Variants in AGBL2 observed in about 807,000 individuals in gnomAD.
AGBL2 encodes the protein AGBL carboxypeptidase 2.
AGBL2 carries 87 observed loss-of-function variants against 103.0 expected under a neutral mutation model. The ratio of observed to expected loss-of-function variants is 0.84; its 90% CI spans 0.71 to 1.01. AGBL2 has a LOEUF of 1.01. Ranked by LOEUF, AGBL2 falls within the 50% of genes least tolerant of loss-of-function variation. The pLI, the probability that AGBL2 is intolerant of heterozygous loss-of-function variation, is 0.00. For missense variants in AGBL2, 904 were observed against 1,023.5 expected, an observed-to-expected ratio of 0.88 and a Z score of 1.59; for synonymous variants, 335 against 356.7, an observed-to-expected ratio of 0.94 and a Z score of 0.69.
chr11:47,683,188 T>C (rs2097408667), intron 11 of AGBL2, among the ~76,000 whole-genome samples: 1 of 151,846 alleles, frequency 6.6e-6, no homozygotes, highest in Non-Finnish European at 1.5e-5. Context: ...CTGGCCAAGA[T>C]GGCGAAACCC....
At chr11:47,703,937 A>C (rs902748986) in intron 7 of AGBL2, among the ~76,000 whole-genome samples, 5 of 138,494 alleles carry the variant, frequency 3.6e-5, no homozygotes, top group South Asian at 2.9e-4. Flanking sequence ...AAAAAAAAAA[A>C]AAACAAAAAA....
At chr11:47,712,677 G>A (rs1010507450) in intron 3 of AGBL2, among the ~76,000 whole-genome samples, 3 of 152,092 alleles carry the variant, frequency 2.0e-5, no homozygotes, top group African/African-American at 7.2e-5. Flanking sequence ...GCCAAGGTGG[G>A]TGGATCACCT....
intron 9 of AGBL2, 69 bp from the exon 10 acceptor site, chr11:47,690,927 T>C (rs1394763178): frequency 7.7e-7 from 1 of 1,300,956 alleles, no homozygotes; most frequent in Non-Finnish European, 1.1e-6. Context: ...TGGGAAAATG[T>C]TGTTTTCTCC....
chr11:47,666,455 T>G (rs1273897316), intron 17 of AGBL2, among the ~76,000 whole-genome samples: 1 of 151,948 alleles, frequency 6.6e-6, no homozygotes, highest in Non-Finnish European at 1.5e-5. Context: ...GTACTAAACA[T>G]TGGCTGAGTG....
chr11:47,692,383 A>C, intron 8 of AGBL2, 127 bp from the exon 9 acceptor site: 1 of 428,228 alleles, frequency 2.3e-6, no homozygotes, highest in Non-Finnish European at 3.9e-6. Flanking sequence ...ATTTTCAACT[A>C]TCTTTGCAGA....
At chr11:47,698,574 G>T (rs1483374703) in intron 8 of AGBL2, among the ~76,000 whole-genome samples, 1 of 152,122 alleles carries the variant, frequency 6.6e-6, no homozygotes, top group Non-Finnish European at 1.5e-5. Context: ...TTGATAAGAA[G>T]CCTTTTTCGT....
rs147285300 is a variant in AGBL2, at chr11:47,690,346, G to C, written c.1361C>G (p.Ala454Gly). 3 of 1,613,878 alleles carry C rather than the reference G, an allele frequency of 1.9e-6. No individual in the cohort carries two copies. The African/African-American group carries it at 4.0e-5, about 22-fold the overall frequency. Residue 454 changes from alanine to glycine, a missense_variant, in exon 10 of 19, where the codon GCT becomes GGT. Transcript: ENST00000525123. ...QTPQEAAAKK[A>G]VVLSARVHPG... ...GTGAACTCTGGCACTCAAGACCACA[G>C]CTTTCTTTGCAGCTGCCTCTTGAGG...
At position 47,665,184 on chromosome 11, in the gene AGBL2, A is replaced by G. The variant is rs536528304; in HGVS notation, c.2448+1772T>C. Among the ~76,000 whole-genome samples, 9 of 151,608 alleles carry G rather than the reference A, an allele frequency of 5.9e-5. No individual in the cohort carries two copies. In the East Asian group the frequency reaches 1.2e-3, roughly 20 times the overall value. ...TGACTCAGCTTCCTGAGTAGCTGCC[A>G]CTACAGGCATACACCACCATGCCCA... On this transcript the variant is annotated intron_variant, in intron 17 of 18. Transcript: ENST00000525123.
chr11:47,674,573 A>G (rs1393810777), intron 14 of AGBL2, among the ~76,000 whole-genome samples: 2 of 150,676 alleles, frequency 1.3e-5, no homozygotes, highest in African/African-American at 4.9e-5. Flanking sequence ...TCTCAAAAAA[A>G]AAAAAAAAAA....
At chr11:47,703,346 A>C (rs1044886032) in intron 7 of AGBL2, among the ~76,000 whole-genome samples, 8 of 152,138 alleles carry the variant, frequency 5.3e-5, no homozygotes, top group Non-Finnish European at 1.2e-4. Flanking sequence ...TAGAAAACAG[A>C]TTTCAGTATT....
rs888518195 is a variant in AGBL2 at position 47,715,330 on chromosome 11, A to G, written c.-256T>C. ...GCGGGCAAGGGGACAAACTCGCTGCACCCGCCCGCCACCGCCTTCTGTGAG... is the reference window on the plus strand; with the variant it reads ...GCGGGCAAGGGGACAAACTCGCTGCGCCCGCCCGCCACCGCCTTCTGTGAG... On this transcript the variant is annotated 5_prime_UTR_variant, in exon 1 of 19. Transcript: ENST00000525123. 1 of 152,132 alleles carries G rather than the reference A, an allele frequency of 6.6e-6. No individual in the cohort carries two copies. The highest frequency in any genetic ancestry group is 1.5e-5 in the Non-Finnish European group (1 of 68,062). 9.4% of individuals were successfully genotyped at this position (152,132 alleles called of 1,614,324 possible). A position where few individuals can be genotyped will look rare whatever the true frequency, so the allele number is the denominator to read the frequency against.
intron 17 of AGBL2, among the ~76,000 whole-genome samples, chr11:47,664,886 T>A (rs1235319002): frequency 9.3e-5 from 13 of 139,106 alleles, no homozygotes; most frequent in Middle Eastern, 3.5e-3. Context: ...CTTTTTTTTT[T>A]TTTTTTTTAA....
chr11:47,702,462 A>G (rs1276691536), intron 7 of AGBL2, among the ~76,000 whole-genome samples: 2 of 152,138 alleles, frequency 1.3e-5, no homozygotes, highest in African/African-American at 2.4e-5. Context: ...CCACTAGTTC[A>G]TGAACTCTGG....
rs145800304 is a variant in AGBL2 at position 47,684,024 on chromosome 11, G to A, written c.1788+1869C>T. The stretch of plus-strand genomic sequence containing the variant: ...TCCCAACACTTTGGGAGACCAAGGC[G>A]GGCAGATCACAAGGTAAGGAGTTTG... On this transcript the variant is annotated intron_variant, in intron 11 of 18. Coordinates refer to ENST00000525123, the MANE Select transcript of AGBL2 (RefSeq NM_024783.4). 4.6e-3 allele frequency among the ~76,000 whole-genome samples: 695 copies of A among 151,938 alleles called. 4 individuals are homozygous for A. Among genetic ancestry groups the A allele is most frequent in the African/African-American group, 0.013 (539 of 41,442 alleles).
At chr11:47,667,088 T>C in intron 16 of AGBL2, 25 bp from the exon 17 acceptor site, 1 of 1,470,866 alleles carries the variant, frequency 6.8e-7, no homozygotes, top group Non-Finnish European at 9.3e-7. Context: ...AAAGAGAATC[T>C]TTTTCAATTG....
intron 8 of AGBL2, among the ~76,000 whole-genome samples, chr11:47,697,150 C>A (rs7947661): frequency 0.95 from 143,928 of 152,146 alleles, 68,599 homozygotes; most frequent in East Asian, 1. Flanking sequence ...GCTGGTCTCA[C>A]ACTCCTGATC....
At chr11:47,692,947 T>C (rs2097453842) in intron 8 of AGBL2, among the ~76,000 whole-genome samples, 1 of 151,802 alleles carries the variant, frequency 6.6e-6, no homozygotes, top group Admixed American at 6.6e-5. Context: ...ACTTCCTGAG[T>C]AGCTGGGACC....
chr11:47,713,599 T>A (rs1397424166), intron 3 of AGBL2, among the ~76,000 whole-genome samples: 2 of 150,484 alleles, frequency 1.3e-5, no homozygotes, highest in Admixed American at 1.3e-4. Flanking sequence ...TATTTATTTA[T>A]TTTTTTTGAG....
At chr11:47,714,859 A>G in intron 1 of AGBL2, 109 bp from the exon 2 acceptor site, 1 of 589,550 alleles carries the variant, frequency 1.7e-6, no homozygotes, top group South Asian at 1.9e-5. Flanking sequence ...CTCCTCAGCT[A>G]AACAAGGTGG....
Sources: allele counts gnomAD v4.1 joint callset (sites outside exome capture counted in the v4.1 genomes callset), GRCh38; gene constraint gnomAD v4.1.1; transcripts MANE v1.5; gene names NCBI Gene and HGNC (gene_info 2026-07-23, HGNC 2026-07-21).